The following HPSE2 variants were observed in gnomAD, a reference collection of about 807,000 sequenced individuals.
HPSE2 encodes the protein inactive heparanase-2.
A neutral mutation model predicts 60.5 loss-of-function variants in HPSE2; 38 were observed. The ratio of observed to expected loss-of-function variants is 0.63; its 90% CI spans 0.48 to 0.82. The LOEUF is 0.82. HPSE2 is among the 40% of genes least tolerant of loss of function. HPSE2 has a pLI of 0.00. For missense variants in HPSE2, 713 were observed against 740.4 expected (o/e 0.96, Z 0.43); for synonymous variants, 295 against 293.2 (o/e 1.01, Z -0.06).
intron 9 of HPSE2, among the ~76,000 whole-genome samples, chr10:98,562,987 A>G (rs555946259): frequency 6.6e-6 from 1 of 152,310 alleles, no homozygotes; most frequent in East Asian, 1.9e-4. Context: ...ACAAACAAAC[A>G]AACAAACCCA....
intron 5 of HPSE2, among the ~76,000 whole-genome samples, chr10:98,699,998 C>A (rs1341290953): frequency 6.6e-6 from 1 of 151,222 alleles, no homozygotes; most frequent in East Asian, 1.9e-4. Flanking sequence ...AAAGAGGATG[C>A]AAACGAATGG....
At chr10:99,207,561 G>A (rs1457830938) in intron 2 of HPSE2, among the ~76,000 whole-genome samples, 4 of 151,914 alleles carry the variant, frequency 2.6e-5, no homozygotes, top group African/African-American at 9.7e-5. Context: ...ATTACTAAAA[G>A]TACTAAAAAT....
At chr10:98,487,133 C>T (rs975157509) in intron 10 of HPSE2, among the ~76,000 whole-genome samples, 3 of 152,186 alleles carry the variant, frequency 2.0e-5, no homozygotes, top group Non-Finnish European at 4.4e-5. Context: ...TACGTTGTTT[C>T]AGCAGAATGG....
chr10:98,479,608 A>C (rs988125995), intron 11 of HPSE2, among the ~76,000 whole-genome samples: 2 of 152,222 alleles, frequency 1.3e-5, no homozygotes, highest in Non-Finnish European at 2.9e-5. Context: ...GGCACAGCCC[A>C]GGATCGAGCC....
intron 6 of HPSE2, among the ~76,000 whole-genome samples, chr10:98,691,229 T>C (rs1486486034): frequency 6.6e-6 from 1 of 152,166 alleles, no homozygotes; most frequent in Non-Finnish European, 1.5e-5. Flanking sequence ...GGATAAATTG[T>C]AGATTCCAGG....
chr10:99,110,608 T>C (rs777775111), intron 3 of HPSE2, among the ~76,000 whole-genome samples: 1 of 152,150 alleles, frequency 6.6e-6, no homozygotes, highest in Non-Finnish European at 1.5e-5. Flanking sequence ...AATGATTTTA[T>C]GGATAAAATA....
At chr10:98,797,684 A>G (rs890253815) in intron 3 of HPSE2, among the ~76,000 whole-genome samples, 1 of 151,928 alleles carries the variant, frequency 6.6e-6, no homozygotes, top group Non-Finnish European at 1.5e-5. Context: ...TCTACTAAAA[A>G]ATACAAAAAA....
the HPSE2 span, among the ~76,000 whole-genome samples, chr10:99,251,605 G>C: frequency 5.3e-5 from 2 of 37,954 alleles, no homozygotes; most frequent in Non-Finnish European, 2.1e-4. Context: ...CTAGCAAACC[G>C]AATCCAGCAG....
At chr10:98,991,462 TAACA>T (rs571866595) in intron 3 of HPSE2, among the ~76,000 whole-genome samples, 478 of 152,148 alleles carry the variant, frequency 3.1e-3, no homozygotes, top group Non-Finnish European at 5.6e-3. Context: ...CCAATGAATA[TAACA>T]AATAAGAGAG....
intron 3 of HPSE2, among the ~76,000 whole-genome samples, chr10:98,848,029 A>C (rs151218265): frequency 2.0e-5 from 3 of 152,354 alleles, no homozygotes; most frequent in Admixed American, 1.3e-4. Flanking sequence ...CAGGTGAAAA[A>C]TAGTCGTTAA....
Position 98,916,841 on chromosome 10 carries a change from C to T in HPSE2, c.611-172785G>A, listed in dbSNP as rs545738922. Reference sequence around the variant, plus strand: ...CATAGCTCAGTCCCAGTCCCTTCCTCTGAATTTCCTTTTAATCAGCCTCAG... The same window carrying T: ...CATAGCTCAGTCCCAGTCCCTTCCTTTGAATTTCCTTTTAATCAGCCTCAG... On this transcript the variant is annotated intron_variant, in intron 3 of 11. Coordinates refer to ENST00000370552, the MANE Select transcript of HPSE2 (RefSeq NM_021828.5). Among the ~76,000 whole-genome samples, 130 of 152,316 alleles carry T rather than the reference C, an allele frequency of 8.5e-4. 1 individual carries two copies. Among genetic ancestry groups the T allele is most frequent in the African/African-American group, 3.0e-3 (123 of 41,570 alleles).
the HPSE2 span, among the ~76,000 whole-genome samples, chr10:99,299,794 A>C: frequency 6.6e-6 from 1 of 152,202 alleles, no homozygotes; most frequent in Non-Finnish European, 1.5e-5. Flanking sequence ...AAGAAAGATT[A>C]AAATCCTGCT....
intron 2 of HPSE2, among the ~76,000 whole-genome samples, chr10:99,222,489 T>C (rs1849346840): frequency 6.6e-6 from 1 of 152,212 alleles, no homozygotes; most frequent in Admixed American, 6.5e-5. Flanking sequence ...GGCTTAAAAC[T>C]TGAAGGAAGA....
intron 3 of HPSE2, among the ~76,000 whole-genome samples, chr10:98,843,537 A>G (rs1306331133): frequency 2.0e-5 from 3 of 152,366 alleles, no homozygotes; most frequent in East Asian, 1.9e-4. Context: ...TTTGGAAACT[A>G]TATAAAATTT....
chr10:99,216,977 A>T (rs1849150650), intron 2 of HPSE2, among the ~76,000 whole-genome samples: 1 of 152,178 alleles, frequency 6.6e-6, no homozygotes, highest in Non-Finnish European at 1.5e-5. Flanking sequence ...AGTTCCAAGC[A>T]TTCTCAAGAA....
At chr10:99,052,504 GA>G (rs888239921) in intron 3 of HPSE2, among the ~76,000 whole-genome samples, 13 of 149,334 alleles carry the variant, frequency 8.7e-5, no homozygotes, top group African/African-American at 2.2e-4. Flanking sequence ...GGGAAATTAT[GA>G]AAAAAAAATG....
chr10:98,531,223 C>A (rs1943121484), intron 9 of HPSE2, among the ~76,000 whole-genome samples: 1 of 152,122 alleles, frequency 6.6e-6, no homozygotes, highest in South Asian at 2.1e-4. Flanking sequence ...ACAATGGATT[C>A]TGACAAAAGA....
chr10:98,972,600 C>T (rs1318634270), intron 3 of HPSE2, among the ~76,000 whole-genome samples: 1 of 152,132 alleles, frequency 6.6e-6, no homozygotes, highest in East Asian at 1.9e-4. Flanking sequence ...TTGAGATCTC[C>T]ATTCTGCTCC....
At chr10:99,222,589 A>C (rs939698721) in intron 2 of HPSE2, among the ~76,000 whole-genome samples, 1 of 152,118 alleles carries the variant, frequency 6.6e-6, no homozygotes, top group African/African-American at 2.4e-5. Context: ...TTGTCCAATA[A>C]TTTTTTCAAA....
Sources: allele counts gnomAD v4.1 joint callset (sites outside exome capture counted in the v4.1 genomes callset), GRCh38; gene constraint gnomAD v4.1.1; transcripts MANE v1.5; gene names NCBI Gene and HGNC (gene_info 2026-07-23, HGNC 2026-07-21).